COL19A1: variants seen among roughly 807,000 people sequenced by gnomAD.
COL19A1 encodes collagen alpha-1(XIX) chain.
A neutral mutation model predicts 190.2 loss-of-function variants in COL19A1; 159 were observed. The observed-to-expected ratio is 0.84, with a 90% confidence interval of 0.73 to 0.95. The LOEUF (loss-of-function observed/expected upper bound fraction) is 0.95, where lower values mean the gene tolerates loss of function less well. COL19A1 is among the 40% of genes least tolerant of loss of function. The pLI is 0.00. For missense variants in COL19A1, 1,418 were observed against 1,431.9 expected, an observed-to-expected ratio of 0.99 and a Z score of 0.16; for synonymous variants, 509 against 458.9, an observed-to-expected ratio of 1.11 and a Z score of -1.39.
intron 4 of COL19A1, among the ~76,000 whole-genome samples, chr6:69,925,648 T>A (rs1480974650): frequency 1.3e-5 from 2 of 152,192 alleles, no homozygotes; most frequent in East Asian, 3.8e-4. Flanking sequence ...TTGATAAGGA[T>A]GGCATTGAAT....
chr6:69,988,939 A>G (rs1219623144), intron 11 of COL19A1, among the ~76,000 whole-genome samples: 2 of 152,038 alleles, frequency 1.3e-5, no homozygotes, highest in Non-Finnish European at 2.9e-5. Flanking sequence ...GCTCTTTTCT[A>G]TTTGTGCTGA....
chr6:70,167,794 C>T (rs1279064115), intron 37 of COL19A1, among the ~76,000 whole-genome samples: 1 of 152,170 alleles, frequency 6.6e-6, no homozygotes, highest in African/African-American at 2.4e-5. Context: ...TGAAAGTATC[C>T]GTGTGCTTCA....
At chr6:70,047,064 A>G (rs903505450) in intron 14 of COL19A1, among the ~76,000 whole-genome samples, 5 of 152,124 alleles carry the variant, frequency 3.3e-5, no homozygotes, top group Non-Finnish European at 5.9e-5. Flanking sequence ...TGCTAATATC[A>G]TTGTCACGTA....
chr6:69,916,473 C>T (rs2149993121), intron 4 of COL19A1, among the ~76,000 whole-genome samples: 1 of 152,158 alleles, frequency 6.6e-6, no homozygotes, highest in South Asian at 2.1e-4. Context: ...TTTCCAAAAT[C>T]CAATAGGCAG....
At chr6:70,030,834 G>T (rs757234664) in intron 12 of COL19A1, among the ~76,000 whole-genome samples, 1 of 152,060 alleles carries the variant, frequency 6.6e-6, no homozygotes, top group African/African-American at 2.4e-5. Context: ...TCCAGCATGT[G>T]CCAACTCTGA....
intron 2 of COL19A1, among the ~76,000 whole-genome samples, chr6:69,885,193 C>A (rs1172315374): frequency 6.6e-6 from 1 of 152,148 alleles, no homozygotes; most frequent in East Asian, 1.9e-4. Context: ...CCCCCCACCA[C>A]CTCTGTAAGT....
intron 31 of COL19A1, among the ~76,000 whole-genome samples, chr6:70,153,882 A>T (rs1255112973): frequency 1.3e-5 from 2 of 152,084 alleles, no homozygotes. Flanking sequence ...TCATCTGGGA[A>T]ACATTGCATA....
At chr6:69,885,571 T>G (rs1301555302) in intron 2 of COL19A1, among the ~76,000 whole-genome samples, 1 of 152,210 alleles carries the variant, frequency 6.6e-6, no homozygotes, top group Non-Finnish European at 1.5e-5. Flanking sequence ...ATTCCATCTC[T>G]AGATACATTT....
intron 12 of COL19A1, among the ~76,000 whole-genome samples, chr6:70,031,923 G>GA (rs1459608570): frequency 6.6e-6 from 1 of 151,972 alleles, no homozygotes; most frequent in Non-Finnish European, 1.5e-5. Flanking sequence ...CCTAGTTAAA[G>GA]AAAAAAATCG....
chr6:70,093,374 T>G (rs1346461846), intron 15 of COL19A1, among the ~76,000 whole-genome samples: 1 of 152,064 alleles, frequency 6.6e-6, no homozygotes, highest in Non-Finnish European at 1.5e-5. Flanking sequence ...GCCCCATCCA[T>G]GATACTAGAC....
rs562372488 is a variant in COL19A1 at position 70,117,573 on chromosome 6, G to A, written c.1279-4307G>A. ...TTTAATTCACTTTATCACACCTGCT[G>A]TAGTTCTTTGCAGTAAGAAACGACA... On this transcript the variant is annotated intron_variant, in intron 16 of 50. Transcript: ENST00000620364. Among the ~76,000 whole-genome samples the A allele has an allele frequency of 2.2e-4, 34 of 152,330 alleles. No homozygotes were observed. In the South Asian group the frequency reaches 7.0e-3, roughly 32 times the overall value.
chr6:70,190,799 T>G (rs1399261104), intron 48 of COL19A1, among the ~76,000 whole-genome samples: 2 of 152,216 alleles, frequency 1.3e-5, no homozygotes, highest in African/African-American at 4.8e-5. Context: ...TGCAGAGTAG[T>G]GTCTTTTTAT....
At chr6:69,879,691 A>T (rs763985529) in intron 2 of COL19A1, 33 bp downstream of exon 2, 1 of 1,582,876 alleles carries the variant, frequency 6.3e-7, no homozygotes, top group Non-Finnish European at 8.7e-7. Flanking sequence ...TAATCACCAA[A>T]TGTTATTTAT....
At chr6:70,145,440 A>G (rs1447033393) in intron 25 of COL19A1, among the ~76,000 whole-genome samples, 1 of 152,162 alleles carries the variant, frequency 6.6e-6, no homozygotes, top group African/African-American at 2.4e-5. Flanking sequence ...ACGAAATACT[A>G]CATGTCCTCA....
At chr6:69,921,356 A>AACCATATAT (rs1771792595) in intron 4 of COL19A1, among the ~76,000 whole-genome samples, 1 of 90,384 alleles carries the variant, frequency 1.1e-5, no homozygotes, top group South Asian at 3.4e-4. Context: ...CATATATCAT[A>AACCATATAT]ATCATATATA....
intron 27 of COL19A1, among the ~76,000 whole-genome samples, chr6:70,147,500 G>T (rs1017665476): frequency 6.6e-6 from 1 of 152,046 alleles, no homozygotes; most frequent in East Asian, 1.9e-4. Context: ...GACATAAAAC[G>T]TTTTTGAACA....
chr6:70,162,448 CT>C (rs1305610692), intron 35 of COL19A1, among the ~76,000 whole-genome samples: 5 of 152,166 alleles, frequency 3.3e-5, no homozygotes, highest in African/African-American at 1.2e-4. Flanking sequence ...GTGTCTTTCA[CT>C]GTCTTGTTTT....
In COL19A1 at chr6:69,878,815, A is replaced by G. The variant is rs116104741; in HGVS notation, c.-32-721A>G. ...ATGGGAGCAACCCAAATGTCCATTG[A>G]TGGATGAACAGACAAAATGTGGTAT... On this transcript the variant is annotated intron_variant, in intron 1 of 50. Coordinates refer to ENST00000620364, the MANE Select transcript of COL19A1 (RefSeq NM_001858.6). Among the ~76,000 whole-genome samples, 425 of 152,334 alleles carry G rather than the reference A, an allele frequency of 2.8e-3. 4 individuals carry two copies. The highest frequency in any genetic ancestry group is 9.6e-3 in the African/African-American group (397 of 41,568).
chr6:69,886,553 C>T (rs1334441681), intron 2 of COL19A1, among the ~76,000 whole-genome samples: 1 of 151,950 alleles, frequency 6.6e-6, no homozygotes, highest in Non-Finnish European at 1.5e-5. Context: ...CAACGTTATT[C>T]ACAATAGCTA....
Sources: gnomAD v4.1 joint callset for allele counts (sites outside exome capture counted in the v4.1 genomes callset) on GRCh38, gnomAD v4.1.1 for gene constraint, MANE v1.5 for transcripts, NCBI Gene and HGNC (gene_info 2026-07-23, HGNC 2026-07-21) for gene names.